Variants in SMC3 observed in about 807,000 individuals in gnomAD.
The protein encoded by SMC3 is structural maintenance of chromosomes protein 3.
A neutral mutation model predicts 171.8 loss-of-function variants in SMC3; 20 were observed. The observed-to-expected ratio is 0.12, with a 90% CI of 0.08 to 0.17. SMC3 has a LOEUF of 0.17. SMC3 is among the 10% of genes least tolerant of loss of function. SMC3 has a pLI of 1.00. For missense variants in SMC3, 543 were observed against 1,420.4 expected (o/e 0.38, Z 9.93); for synonymous variants, 464 against 451.1 (o/e 1.03, Z -0.36).
Position 110,604,600 on chromosome 10 carries a change from T to TA in SMC3, c.*299dup. The stretch of plus-strand genomic sequence containing the variant: ...ATTTTATCACTTATACTACCTTTTT[T>TA]ATAGCTTCAATTAAATAATCGGTTT... On this transcript the variant is annotated 3_prime_UTR_variant, in exon 29 of 29. Transcript: ENST00000361804. 3.0e-6 allele frequency: 1 copy of TA among 336,164 alleles called. No homozygotes were observed. Among genetic ancestry groups the TA allele is most frequent in the Non-Finnish European group, 5.6e-6 (1 of 179,398 alleles). The allele number at this position is 336,164 out of a possible 1,614,324, so 20.8% of individuals were successfully genotyped here.
At chr10:110,570,555 CAG>C (rs1221886363) in intron 2 of SMC3, among the ~76,000 whole-genome samples, 4 of 152,022 alleles carry the variant, frequency 2.6e-5, no homozygotes, top group African/African-American at 9.7e-5. Flanking sequence ...TTTCATCAAT[CAG>C]AAAATCTTTA....
At chr10:110,600,987 T>G in intron 22 of SMC3, 35 bp from the exon 23 acceptor site, 1 of 1,508,706 alleles carries the variant, frequency 6.6e-7, no homozygotes, top group Middle Eastern at 1.7e-4. Flanking sequence ...AGTCATAACA[T>G]TTGAAACTAA....
intron 3 of SMC3, 50 bp downstream of exon 3, chr10:110,573,795 G>A: frequency 8.6e-7 from 1 of 1,165,556 alleles, no homozygotes; most frequent in South Asian, 1.3e-5. Flanking sequence ...GGGTATCTTA[G>A]GGTAGATTAT....
chr10:110,576,614 A>G (rs994699714), intron 4 of SMC3, among the ~76,000 whole-genome samples: 2 of 152,222 alleles, frequency 1.3e-5, no homozygotes, highest in Non-Finnish European at 2.9e-5. Flanking sequence ...TTTCTCACAC[A>G]TAGGAAATTG....
At chr10:110,596,947 A>G (rs1217587918) in intron 19 of SMC3, among the ~76,000 whole-genome samples, 1 of 152,016 alleles carries the variant, frequency 6.6e-6, no homozygotes, top group Non-Finnish European at 1.5e-5. Context: ...CGGCATCAGT[A>G]ATGTTACATA....
At position 110,573,711 on chromosome 10, in the gene SMC3, C is replaced by T. The variant is rs765164049; in HGVS notation, c.96C>T (p.Gly32=). The change falls in exon 3 of 29, where the codon GGC becomes GGT. Residue 32 remains glycine, a synonymous_variant. Coordinates refer to ENST00000361804, the MANE Select transcript of SMC3 (RefSeq NM_005445.4). ...PFSSKHNVIV[G]RNGSGKSNFF... ...GTACTTTTTGAAATTTTCCAGTGGG[C>T]AGAAATGGATCTGGAAAAAGTAACT... 6.3e-7 allele frequency: 1 copy of T among 1,597,556 alleles called. No homozygotes were observed. Among genetic ancestry groups the T allele is most frequent in the Non-Finnish European group, 8.6e-7 (1 of 1,166,368 alleles).
chr10:110,569,042 T>C (rs778157652), intron 2 of SMC3, 29 bp downstream of exon 2: 4 of 1,336,590 alleles, frequency 3.0e-6, no homozygotes, highest in Non-Finnish European at 4.3e-6. Context: ...CTCGGTCATA[T>C]TTATAGTCTA....
intron 18 of SMC3, among the ~76,000 whole-genome samples, chr10:110,596,037 A>G (rs1166118950): frequency 6.8e-6 from 1 of 147,310 alleles, no homozygotes; most frequent in African/African-American, 2.5e-5. Context: ...CAGGAGTTCG[A>G]GAACCGCCTG....
chr10:110,573,537 T>G (rs1860904061), intron 2 of SMC3, among the ~76,000 whole-genome samples, 170 bp from the exon 3 acceptor site: 1 of 144,118 alleles, frequency 6.9e-6, no homozygotes, highest in Admixed American at 7.1e-5. Flanking sequence ...TTGAATTTAT[T>G]TGGTGATTAT....
intron 23 of SMC3, among the ~76,000 whole-genome samples, 162 bp downstream of exon 23, chr10:110,601,292 G>A (rs1223353087): frequency 1.3e-5 from 2 of 152,100 alleles, no homozygotes; most frequent in Non-Finnish European, 2.9e-5. Flanking sequence ...ACTATAAATA[G>A]TAACTTTTGT....
At chr10:110,590,076 A>G in intron 15 of SMC3, 85 bp downstream of exon 15, 3 of 1,151,104 alleles carry the variant, frequency 2.6e-6, no homozygotes, top group Non-Finnish European at 3.9e-6. Flanking sequence ...TTCAAGGTGT[A>G]GGTCATGGGT....
At chr10:110,579,620 T>C (rs1316777213) in intron 7 of SMC3, among the ~76,000 whole-genome samples, 1 of 152,248 alleles carries the variant, frequency 6.6e-6, no homozygotes, top group Non-Finnish European at 1.5e-5. Context: ...TTATTTTCTG[T>C]CTTTTTCCAT....
At chr10:110,587,689 GA>G (rs34378467) in intron 13 of SMC3, among the ~76,000 whole-genome samples, 10,887 of 94,292 alleles carry the variant, frequency 0.12, 439 homozygotes, top group African/African-American at 0.15. Context: ...CCGTCTCAAA[GA>G]AAAAAAAAAA....
chr10:110,604,401 T>G lies in SMC3; in HGVS notation c.*99T>G, dbSNP rs921388085. The stretch of plus-strand genomic sequence containing the variant: ...AAACCTAAATATTTGGCCAATAGTT[T>G]TCAGACTTAAAGCATCATAGTCCTT... On this transcript the variant is annotated 3_prime_UTR_variant, in exon 29 of 29. Transcript: ENST00000361804. 1 of 840,146 alleles carries G rather than the reference T, an allele frequency of 1.2e-6. No homozygotes were observed. The highest frequency in any genetic ancestry group is 1.7e-5 in the African/African-American group (1 of 59,290). 52.0% of individuals were successfully genotyped at this position (840,146 alleles called of 1,614,324 possible).
intron 7 of SMC3, 143 bp from the exon 8 acceptor site, chr10:110,580,761 A>G: frequency 1.5e-6 from 1 of 668,340 alleles, no homozygotes; most frequent in Non-Finnish European, 2.7e-6. Context: ...GAAAAAATCT[A>G]AAATCTGTAA....
Position 110,596,567 on chromosome 10 carries a change from T to C in SMC3, c.2116+17T>C, listed in dbSNP as rs763023833. 8 of 1,612,036 alleles carry C rather than the reference T, an allele frequency of 5.0e-6. No individual in the cohort carries two copies. The East Asian group carries it at 1.8e-4, about 36-fold the overall frequency. On this transcript the variant is annotated intron_variant, in intron 19 of 28. Transcript: ENST00000361804. ...ATATTGAAAATATCTTTTTGTTTTG[T>C]GCATAGTGATAGATATTGTGGGGGA...
At chr10:110,582,709 TC>T in intron 10 of SMC3, 67 bp downstream of exon 10, 2 of 1,246,714 alleles carry the variant, frequency 1.6e-6, no homozygotes, top group South Asian at 1.3e-5. Context: ...TGTTCTGTCA[TC>T]CAGGCTGGAG....
chr10:110,579,734 A>G (rs947470195), intron 7 of SMC3, among the ~76,000 whole-genome samples: 1 of 152,190 alleles, frequency 6.6e-6, no homozygotes, highest in Non-Finnish European at 1.5e-5. Context: ...AATAATTTTT[A>G]AGTGAGGAAA....
At position 110,589,874 on chromosome 10, in the gene SMC3, C is replaced by T; in HGVS notation, c.1410-18C>T. ...ATATGTGTTTAAAATTAAAGACAGTCTACTTTTTATTTATTAGCTACTTGT... is the reference window on the plus strand; with the variant it reads ...ATATGTGTTTAAAATTAAAGACAGTTTACTTTTTATTTATTAGCTACTTGT... On this transcript the variant is annotated intron_variant, in intron 14 of 28. Coordinates refer to ENST00000361804, the MANE Select transcript of SMC3 (RefSeq NM_005445.4). 6.2e-7 allele frequency: 1 copy of T among 1,606,916 alleles called. No homozygotes were observed. Among genetic ancestry groups the T allele is most frequent in the Non-Finnish European group, 8.5e-7 (1 of 1,173,742 alleles).
Sources: allele counts gnomAD v4.1 joint callset (sites outside exome capture counted in the v4.1 genomes callset), GRCh38; gene constraint gnomAD v4.1.1; transcripts MANE v1.5; gene names NCBI Gene and HGNC (gene_info 2026-07-23, HGNC 2026-07-21).